WDPCP: variants seen among roughly 807,000 people sequenced by gnomAD.
WDPCP encodes WD repeat-containing and planar cell polarity effector protein fritz homolog.
Under a neutral mutation model 93.1 loss-of-function variants are expected in WDPCP, and 71 were observed. The ratio of observed to expected loss-of-function variants is 0.76; its 90% CI spans 0.63 to 0.93. The LOEUF is 0.93. Ranked by LOEUF, WDPCP falls within the 40% of genes least tolerant of loss-of-function variation. The pLI is 0.00. For missense variants in WDPCP, 844 were observed against 887.4 expected (o/e 0.95, Z 0.62); for synonymous variants, 315 against 315.0 (o/e 1.00, Z 0.00).
intron 6 of WDPCP, 103 bp from the exon 7 acceptor site, chr2:63,439,974 C>T (rs1697397607): frequency 2.5e-6 from 2 of 803,094 alleles, no homozygotes; most frequent in Non-Finnish European, 4.3e-6. Flanking sequence ...ATATTTTACA[C>T]ATGCATCTAC....
chr2:63,780,467 A>G (rs569132587), intron 2 of WDPCP, among the ~76,000 whole-genome samples: 2 of 152,364 alleles, frequency 1.3e-5, no homozygotes, highest in South Asian at 4.1e-4. Context: ...CCTTACCAGA[A>G]GGATACCCTG....
At chr2:63,840,570 C>T in the WDPCP span, among the ~76,000 whole-genome samples, 1 of 152,186 alleles carries the variant, frequency 6.6e-6, no homozygotes, top group South Asian at 2.1e-4. Flanking sequence ...CTCACCCTCC[C>T]CCAACCAGAT....
chr2:63,766,265 A>G (rs1010797129), intron 2 of WDPCP, among the ~76,000 whole-genome samples: 1 of 152,148 alleles, frequency 6.6e-6, no homozygotes, highest in Non-Finnish European at 1.5e-5. Flanking sequence ...TATAAGTTTT[A>G]TTTAAGGTAT....
chr2:63,577,766 A>T (rs1285613824), intron 1 of WDPCP, among the ~76,000 whole-genome samples: 2 of 152,234 alleles, frequency 1.3e-5, no homozygotes, highest in African/African-American at 4.8e-5. Flanking sequence ...ATATTTGAAC[A>T]GCAAACACAA....
intron 1 of WDPCP, among the ~76,000 whole-genome samples, chr2:63,531,817 G>A (rs1040494108): frequency 1.3e-5 from 2 of 152,128 alleles, no homozygotes; most frequent in East Asian, 1.9e-4. Flanking sequence ...CCAAAGGATC[G>A]CAGCTCCTCG....
intron 1 of WDPCP, among the ~76,000 whole-genome samples, chr2:63,532,106 G>A (rs1392452033): frequency 1.3e-5 from 2 of 152,094 alleles, no homozygotes; most frequent in Non-Finnish European, 2.9e-5. Context: ...GGAATAAAGG[G>A]GATCAGGGAC....
rs947996556 is a variant in WDPCP, at chr2:63,762,134, G to A, written n.308+51488C>T. Among the ~76,000 whole-genome samples the A allele has an allele frequency of 2.6e-5, 4 of 152,172 alleles. No individual in the cohort carries two copies. The East Asian group carries it at 7.7e-4, about 29-fold the overall frequency. On this transcript the variant is annotated intron_variant and non_coding_transcript_variant, in intron 2 of 4. Transcript: ENST00000467687. Reference sequence around the variant, plus strand: ...AGTGGGGGCATTATGGCCCAAATCAGTGCAAATAGCCTCAAACCAAACCAC... The same window carrying A: ...AGTGGGGGCATTATGGCCCAAATCAATGCAAATAGCCTCAAACCAAACCAC...
In WDPCP at chr2:63,534,242, C is replaced by A. The variant is rs189624979; in HGVS notation, c.76-41302G>T. 3.7e-3 allele frequency among the ~76,000 whole-genome samples: 566 copies of A among 152,236 alleles called. 3 individuals carry two copies. Among genetic ancestry groups the A allele is most frequent in the Non-Finnish European group, 5.9e-3 (400 of 68,004 alleles). On this transcript the variant is annotated intron_variant, in intron 1 of 17. Transcript: ENST00000272321. ...TAATAGCTTACCAACTAAAAAACTC[C>A]AGGACCAGGTGGATTCACAGCCGAA...
At chr2:63,652,098 T>C (rs1369482600) in intron 2 of WDPCP, among the ~76,000 whole-genome samples, 1 of 152,214 alleles carries the variant, frequency 6.6e-6, no homozygotes, top group Non-Finnish European at 1.5e-5. Flanking sequence ...TAATGCAATA[T>C]TGAAAGATGC....
intron 14 of WDPCP, among the ~76,000 whole-genome samples, chr2:63,249,301 C>G (rs569925041): frequency 5.3e-4 from 81 of 152,086 alleles, no homozygotes; most frequent in Non-Finnish European, 1.1e-3. Context: ...CTCAATTCCC[C>G]TGTATACATG....
At chr2:63,230,668 T>C (rs1460907559) in intron 14 of WDPCP, among the ~76,000 whole-genome samples, 3 of 152,210 alleles carry the variant, frequency 2.0e-5, no homozygotes, top group African/African-American at 4.8e-5. Context: ...GGTTTTGATT[T>C]GCATTTCTCT....
upstream of WDPCP, among the ~76,000 whole-genome samples, chr2:63,828,926 G>T (rs1671153741): frequency 6.6e-6 from 1 of 152,062 alleles, no homozygotes; most frequent in South Asian, 2.1e-4. Flanking sequence ...CAAGAAAATT[G>T]CTTAATATTT....
chr2:63,462,356 C>T (rs1057286364), intron 6 of WDPCP, among the ~76,000 whole-genome samples: 4 of 151,740 alleles, frequency 2.6e-5, no homozygotes, highest in Non-Finnish European at 5.9e-5. Context: ...GTCATGGGGT[C>T]GAGGAGAGGG....
chr2:63,330,937 C>G (rs1045929470), intron 12 of WDPCP, among the ~76,000 whole-genome samples: 2 of 136,384 alleles, frequency 1.5e-5, no homozygotes, highest in African/African-American at 5.5e-5. Context: ...GAGGTACTAT[C>G]ATGGCTCACT....
chr2:63,802,240 G>A (rs1455834399), intron 2 of WDPCP, among the ~76,000 whole-genome samples: 1 of 116,436 alleles, frequency 8.6e-6, no homozygotes, highest in Admixed American at 1.1e-4. Flanking sequence ...GCATCCAGGA[G>A]TTTGAGACCA....
At chr2:63,231,733 A>C in intron 14 of WDPCP, among the ~76,000 whole-genome samples, 1 of 152,222 alleles carries the variant, frequency 6.6e-6, no homozygotes. Context: ...AAGAATCAAT[A>C]TCATGAAAAT....
At chr2:63,763,404 G>A (rs187597101) in intron 2 of WDPCP, among the ~76,000 whole-genome samples, 1 of 151,514 alleles carries the variant, frequency 6.6e-6, no homozygotes, top group Non-Finnish European at 1.5e-5. Context: ...TCAGGAGGCT[G>A]AGGCAGAGAA....
intron 12 of WDPCP, among the ~76,000 whole-genome samples, chr2:63,338,041 GCTTTT>G: frequency 6.6e-6 from 1 of 152,150 alleles, no homozygotes; most frequent in Admixed American, 6.5e-5. Flanking sequence ...GGTTACCTGT[GCTTTT>G]GAGGTCTTAC....
chr2:63,304,370 C>G (rs1685558446), intron 13 of WDPCP, among the ~76,000 whole-genome samples: 1 of 152,120 alleles, frequency 6.6e-6, no homozygotes. Flanking sequence ...TCTGCATTTC[C>G]AACTGAGGTA....
Sources: gnomAD v4.1 joint callset for allele counts (sites outside exome capture counted in the v4.1 genomes callset) on GRCh38, gnomAD v4.1.1 for gene constraint, MANE v1.5 for transcripts, NCBI Gene and HGNC (gene_info 2026-07-23, HGNC 2026-07-21) for gene names.